The following UGT3A2 variants were observed in gnomAD, a reference collection of about 807,000 sequenced individuals.
UGT3A2 encodes UDP glycosyltransferase family 3 member A2.
UGT3A2 carries 32 observed loss-of-function variants against 39.8 expected under a neutral mutation model. The observed-to-expected ratio is 0.80, with a 90% CI of 0.61 to 1.08. UGT3A2 has a LOEUF of 1.08. UGT3A2 is among the 50% of genes least tolerant of loss of function. UGT3A2 has a pLI of 0.00. For missense variants in UGT3A2, 611 were observed against 637.1 expected (o/e 0.96, Z 0.44); for synonymous variants, 241 against 230.7 (o/e 1.04, Z -0.40).
At chr5:36,056,653 G>A (rs1742523386) in intron 2 of UGT3A2, among the ~76,000 whole-genome samples, 2 of 152,216 alleles carry the variant, frequency 1.3e-5, no homozygotes, top group Admixed American at 6.5e-5. Flanking sequence ...AGAGGCAATA[G>A]CAAAAGGCTG....
intron 2 of UGT3A2, among the ~76,000 whole-genome samples, chr5:36,056,075 G>A (rs1742503722): frequency 6.6e-6 from 1 of 152,128 alleles, no homozygotes; most frequent in Non-Finnish European, 1.5e-5. Flanking sequence ...CTTGATTGGT[G>A]GCTTCTGCCA....
intron 1 of UGT3A2, among the ~76,000 whole-genome samples, chr5:36,066,432 A>G (rs924892639): frequency 6.6e-6 from 1 of 152,176 alleles, no homozygotes; most frequent in Non-Finnish European, 1.5e-5. Flanking sequence ...TTCTGGCCCC[A>G]GCCCTGCGGG....
chr5:36,039,254 G>C (rs1465988502), intron 5 of UGT3A2, among the ~76,000 whole-genome samples: 1 of 152,324 alleles, frequency 6.6e-6, no homozygotes, highest in East Asian at 1.9e-4. Context: ...CATCAGGTCT[G>C]GGATAGAAAA....
At position 36,037,864 on chromosome 5, in the gene UGT3A2, T is replaced by C. The variant is rs1353528069; in HGVS notation, c.1228A>G (p.Ile410Val). The C allele has an allele frequency of 4.3e-6, 7 of 1,613,864 alleles. No homozygotes were observed. Among genetic ancestry groups the C allele is most frequent in the Non-Finnish European group, 5.9e-6 (7 of 1,179,992 alleles). ...RVEAKKFGVS[I>V]QLKKLKAETL... ...TCTGCCTTGAGCTTCTTTAACTGAA[T>C]AGAAACACCAAACTTTTTGGCTTCT... is the stretch of plus-strand genomic sequence containing the variant. Residue 410 changes from isoleucine (I) to valine (V), a missense_variant, in exon 6 of 7, where the codon ATT becomes GTT. Coordinates refer to ENST00000282507, the MANE Select transcript of UGT3A2 (RefSeq NM_174914.4).
At chr5:36,050,826 C>CA (rs1431128369) in intron 3 of UGT3A2, among the ~76,000 whole-genome samples, 1 of 150,076 alleles carries the variant, frequency 6.7e-6, no homozygotes, top group African/African-American at 2.5e-5. Flanking sequence ...CGCGCCATTG[C>CA]ACTCCAGCCT....
rs758727607 is a variant in UGT3A2 at position 36,049,130 on chromosome 5, A to G, written c.602T>C (p.Val201Ala). Residue 201 changes from valine (V) to alanine (A), a missense_variant, in exon 4 of 7, where the codon GTG (valine) becomes GCG (alanine). Val to Ala is a moderately conservative substitution (Grantham distance 64). Transcript: ENST00000282507. ...ACTAAAGAACATCAGAAAATTCTTC[A>G]CTCGGCCCCAGAAGTCCATGTGATC... ...LTDHMDFWGR[V>A]KNFLMFFSFC... 7.4e-6 allele frequency: 12 copies of G among 1,614,128 alleles called. No homozygotes were observed. Among genetic ancestry groups the G allele is most frequent in the Non-Finnish European group, 1.0e-5 (12 of 1,180,028 alleles).
chr5:36,049,343 A>G lies in UGT3A2; in HGVS notation c.389T>C (p.Ile130Thr). 1 of 1,612,322 alleles carries G rather than the reference A, an allele frequency of 6.2e-7. No homozygotes were observed. Residue 130 changes from isoleucine to threonine, a missense_variant, in exon 4 of 7, where the codon ATC becomes ACC. Transcript: ENST00000282507. ...QCSHFLNRKD[I>T]MDSLKNENFD... ...GTTCTCATTCTTTAAGGAATCCATG[A>G]TATCCTTTCTATTTAAAAAATGACT...
Position 36,039,508 on chromosome 5 carries a change from A to G in UGT3A2, c.1044T>C (p.Ile348=), listed in dbSNP as rs761859446. 2.5e-6 allele frequency: 4 copies of G among 1,614,066 alleles called. No individual in the cohort carries two copies. In the South Asian group the frequency reaches 3.3e-5, roughly 13 times the overall value. The change falls in exon 5 of 7, where the codon ATT becomes ATC. Residue 348 remains isoleucine, a synonymous_variant. Transcript: ENST00000282507. The stretch of plus-strand genomic sequence containing the variant: ...GGTCACTCTGAGGAAGCCAGTCCAC[A>G]ATTTTCACATTTGCAGCCAGGTGGA... ...KDVHLAANVK[I]VDWLPQSDLL... is the part of the protein sequence containing the mutation.
rs369977683 is a variant in UGT3A2, at chr5:36,038,060, T to C, written c.1076-44A>G. The C allele has an allele frequency of 2.5e-5, 39 of 1,538,262 alleles. No homozygotes were observed. The African/African-American group carries it at 5.1e-4, about 20-fold the overall frequency. ...AGGGTGGGACACTTCAGGATGAAAA[T>C]TTCAAAACATCAGGCAGAGATGAAG... On this transcript the variant is annotated intron_variant, in intron 5 of 6. Transcript: ENST00000282507.
intron 2 of UGT3A2, among the ~76,000 whole-genome samples, chr5:36,062,916 C>A (rs1022812925): frequency 6.6e-6 from 1 of 151,916 alleles, no homozygotes; most frequent in Non-Finnish European, 1.5e-5. Context: ...TGGTACACAC[C>A]TGTAATGTCA....
intron 2 of UGT3A2, 53 bp from the exon 3 acceptor site, chr5:36,052,037 G>A (rs1742359956): frequency 1.8e-6 from 2 of 1,088,424 alleles, no homozygotes; most frequent in South Asian, 1.5e-5. Flanking sequence ...ACACAAAAGA[G>A]TAACATTAGC....
Position 36,036,345 on chromosome 5 carries a change from C to T in UGT3A2, c.1296-371G>A, listed in dbSNP as rs138835847. 3.5e-3 allele frequency among the ~76,000 whole-genome samples: 534 copies of T among 152,324 alleles called. 1 individual carries two copies. The highest frequency in any genetic ancestry group is 1.0e-2 in the Admixed American group (153 of 15,302). ...CACTCTGGGGAATGTTAGGCACAGG[C>T]TAAAGCCTACACATTCCTGCACCAT... On this transcript the variant is annotated intron_variant, in intron 6 of 6. Coordinates refer to ENST00000282507, the MANE Select transcript of UGT3A2 (RefSeq NM_174914.4).
At chr5:36,045,114 T>C (rs1742126283) in intron 4 of UGT3A2, among the ~76,000 whole-genome samples, 1 of 152,164 alleles carries the variant, frequency 6.6e-6, no homozygotes, top group Non-Finnish European at 1.5e-5. Context: ...CAAAACTGTA[T>C]GGTACTGGCA....
At chr5:36,057,414 TC>T (rs1402452318) in intron 2 of UGT3A2, among the ~76,000 whole-genome samples, 2 of 152,038 alleles carry the variant, frequency 1.3e-5, no homozygotes, top group African/African-American at 4.8e-5. Context: ...AGACTCCTAA[TC>T]CTATGAAAAA....
At chr5:36,064,633 G>A (rs1742823178) in intron 1 of UGT3A2, among the ~76,000 whole-genome samples, 1 of 152,132 alleles carries the variant, frequency 6.6e-6, no homozygotes, top group African/African-American at 2.4e-5. Context: ...CTTAGCCATG[G>A]GAGTTCCTCA....
At chr5:36,056,780 A>G (rs1358310789) in intron 2 of UGT3A2, among the ~76,000 whole-genome samples, 2 of 152,246 alleles carry the variant, frequency 1.3e-5, no homozygotes, top group East Asian at 3.8e-4. Context: ...TTCCAAAACC[A>G]TAAAGTCCTC....
At chr5:36,038,454 G>C (rs113828384) in intron 5 of UGT3A2, among the ~76,000 whole-genome samples, 2 of 152,018 alleles carry the variant, frequency 1.3e-5, no homozygotes, top group African/African-American at 2.4e-5. Flanking sequence ...TTGTATTCCT[G>C]ACATATTTGT....
At chr5:36,055,119 A>G (rs1197484671) in intron 2 of UGT3A2, among the ~76,000 whole-genome samples, 2 of 151,922 alleles carry the variant, frequency 1.3e-5, no homozygotes, top group African/African-American at 4.8e-5. Flanking sequence ...AGCCTGCATG[A>G]CAAGAGCAAG....
At chr5:36,039,408 G>A in intron 5 of UGT3A2, 69 bp downstream of exon 5, 2 of 1,470,454 alleles carry the variant, frequency 1.4e-6, no homozygotes, top group Non-Finnish European at 1.9e-6. Context: ...TCCAGCTAAA[G>A]GTCAGAGCCG....
Sources: gnomAD v4.1 joint callset for allele counts (sites outside exome capture counted in the v4.1 genomes callset) on GRCh38, gnomAD v4.1.1 for gene constraint, MANE v1.5 for transcripts, NCBI Gene and HGNC (gene_info 2026-07-23, HGNC 2026-07-21) for gene names.